The following PYY variants were observed in gnomAD, a reference collection of about 807,000 sequenced individuals.
PYY encodes peptide tyrosine tyrosine.
Under a neutral mutation model 10.3 loss-of-function variants are expected in PYY, and 12 were observed. The ratio of observed to expected loss-of-function variants is 1.17; its 90% CI spans 0.75 to 1.89. PYY has a LOEUF of 1.89. Among genes scored for constraint, PYY ranks in the 40% most tolerant of loss-of-function variants. The pLI is 0.00. For synonymous variants in PYY, 66 were observed against 62.0 expected (o/e 1.06, Z -0.30); for missense variants, 141 against 134.0 (o/e 1.05, Z -0.26).
At chr17:43,976,278 T>C (rs1482984219) in intron 1 of PYY, among the ~76,000 whole-genome samples, 12 of 120,394 alleles carry the variant, frequency 1.0e-4, no homozygotes, top group African/African-American at 3.7e-4. Context: ...TGTACGTATA[T>C]ATACGCATAT....
chr17:43,953,760 T>G, intron 1 of PYY, 90 bp downstream of exon 1: 2 of 300,664 alleles, frequency 6.7e-6, no homozygotes, highest in African/African-American at 2.2e-5. Context: ...TCCAGTTTCC[T>G]ACCACTCACC....
At chr17:43,992,718 A>G (rs987046635) in intron 1 of PYY, among the ~76,000 whole-genome samples, 10 of 151,976 alleles carry the variant, frequency 6.6e-5, no homozygotes, top group Non-Finnish European at 1.3e-4. Flanking sequence ...AAAAAATAAT[A>G]ATAATTAAAA....
At chr17:43,986,057 G>T (rs1048076801) in intron 1 of PYY, among the ~76,000 whole-genome samples, 2 of 152,126 alleles carry the variant, frequency 1.3e-5, no homozygotes, top group African/African-American at 4.8e-5. Flanking sequence ...AGGATTTTAA[G>T]ACTACTAGCC....
intron 1 of PYY, among the ~76,000 whole-genome samples, chr17:43,985,309 C>T (rs778815858): frequency 1.3e-5 from 2 of 152,158 alleles, no homozygotes; most frequent in Admixed American, 6.6e-5. Context: ...TTCCTAGGCT[C>T]AAGCAATCCT....
chr17:44,001,060 T>C (rs1474115920), intron 1 of PYY, among the ~76,000 whole-genome samples: 1 of 152,174 alleles, frequency 6.6e-6, no homozygotes, highest in Non-Finnish European at 1.5e-5. Context: ...CTCAATGCTA[T>C]GGGGCTCTGT....
rs1235838100 is a variant in PYY at position 43,988,754 on chromosome 17, C to A, written c.-463+15637G>T. Among the ~76,000 whole-genome samples the A allele has an allele frequency of 3.1e-5, 4 of 129,104 alleles. No individual in the cohort carries two copies. In the Admixed American group the frequency reaches 3.4e-4, roughly 11 times the overall value. The allele number at this position is 129,104 out of a possible 152,430, so 84.7% of individuals were successfully genotyped here. A position where few individuals can be genotyped will look rare whatever the true frequency, so the allele number is the denominator to read the frequency against. On this transcript the variant is annotated intron_variant, in intron 1 of 6. Coordinates refer to the PYY transcript ENST00000360085. ...TTCTCTAGCTTTTTTTTTTCTTTTT[C>A]TTCTTTCTTTCTGTCTTTTTTTTTT...
At chr17:43,988,573 C>T (rs1456574255) in intron 1 of PYY, among the ~76,000 whole-genome samples, 1 of 152,108 alleles carries the variant, frequency 6.6e-6, no homozygotes, top group Non-Finnish European at 1.5e-5. Context: ...GAGTTGAAAC[C>T]ATGTTGTGAT....
At chr17:43,995,469 C>A (rs2048984946) in intron 1 of PYY, among the ~76,000 whole-genome samples, 3 of 151,646 alleles carry the variant, frequency 2.0e-5, no homozygotes, top group Admixed American at 2.0e-4. Context: ...TAGCTGGGAC[C>A]ACAGATGGTT....
chr17:43,979,496 A>G (rs914725077), intron 1 of PYY, among the ~76,000 whole-genome samples: 1 of 151,942 alleles, frequency 6.6e-6, no homozygotes, highest in South Asian at 2.1e-4. Context: ...TAACAAAAAC[A>G]TGCTTATGGA....
At chr17:43,953,011 T>TGGGGAGGCGAGCC in intron 3 of PYY, 31 bp from the exon 4 acceptor site, 1 of 1,583,168 alleles carries the variant, frequency 6.3e-7, no homozygotes, top group Non-Finnish European at 8.6e-7. Context: ...GAATTGGATC[T>TGGGGAGGCGAGCC]GGGGAGGCGA....
rs545102418 is a variant in PYY at position 43,952,814 on chromosome 17, C to G, written c.*142G>C. 1.0e-4 allele frequency: 92 copies of G among 901,400 alleles called. No individual in the cohort carries two copies. The African/African-American group carries it at 1.4e-3, about 14-fold the overall frequency. 55.8% of individuals were successfully genotyped at this position (901,400 alleles called of 1,614,324 possible). ...CCCTCCAGCCCAGGGGGCGGGGGCACCGAGACGCGGGCGGAGGGCCGCACC... is the reference window on the plus strand; with the variant it reads ...CCCTCCAGCCCAGGGGGCGGGGGCAGCGAGACGCGGGCGGAGGGCCGCACC... On this transcript the variant is annotated 3_prime_UTR_variant, in exon 4 of 4. Coordinates refer to ENST00000692052, the MANE Select transcript of PYY (RefSeq NM_001394028.1).
At position 43,953,318 on chromosome 17, in the gene PYY, G is replaced by T. The variant is rs2048646766; in HGVS notation, c.166C>A (p.Leu56Ile). 6.2e-7 allele frequency: 1 copy of T among 1,612,790 alleles called. No individual in the cohort carries two copies. Among genetic ancestry groups the T allele is most frequent in the Non-Finnish European group, 8.5e-7 (1 of 1,179,564 alleles). The change falls in exon 2 of 4, where the codon CTC becomes ATC. Residue 56 changes from leucine (L) to isoleucine (I), a missense_variant. Leu to Ile is a conservative substitution (Grantham distance 5). Transcript: ENST00000692052. ...CACCGCTGCCGGGTGACCAGGTTGA[G>T]GTAGTGGCGCAGGGAGGCGTAGTAG... ...NRYYASLRHYLNLVTRQRYGK... is the reference protein window; with the variant it reads ...NRYYASLRHYINLVTRQRYGK...
intron 1 of PYY, among the ~76,000 whole-genome samples, chr17:44,002,355 G>A (rs975869636): frequency 1.3e-5 from 2 of 152,182 alleles, no homozygotes; most frequent in African/African-American, 2.4e-5. Flanking sequence ...CTCCAGCATG[G>A]GGAGACAAAA....
intron 1 of PYY, among the ~76,000 whole-genome samples, chr17:43,993,604 C>T (rs1393513282): frequency 6.7e-6 from 1 of 150,302 alleles, no homozygotes; most frequent in Admixed American, 6.6e-5. Flanking sequence ...CCAGCCTGGG[C>T]AACAGAGTGA....
At chr17:44,001,398 A>C (rs1368061993) in intron 1 of PYY, among the ~76,000 whole-genome samples, 1 of 152,112 alleles carries the variant, frequency 6.6e-6, no homozygotes, top group African/African-American at 2.4e-5. Flanking sequence ...ACCCACCTTT[A>C]AAGGAAGAAA....
In PYY at chr17:44,004,010, ACT is replaced by A. The variant is rs112932077; in HGVS notation, c.-463+379_-463+380del. 3.1e-4 allele frequency among the ~76,000 whole-genome samples: 47 copies of A among 151,558 alleles called. No individual in the cohort carries two copies. In the South Asian group the frequency reaches 4.2e-3, roughly 13 times the overall value. ...CCTATCTCAAAAACCAAAATAAAAA[ACT>A]CTATTTTATTTTATTTTTACCAGAT... is the stretch of plus-strand genomic sequence containing the variant. On this transcript the variant is annotated intron_variant, in intron 1 of 6. Coordinates refer to the PYY transcript ENST00000360085.
In PYY at chr17:43,976,210, C is replaced by T. The variant is rs1193292743; in HGVS notation, c.-462-9678G>A. ...GTATATGTATACATATATACATATA[C>T]GTATATGTATACATATATACATATG... is the stretch of plus-strand genomic sequence containing the variant. On this transcript the variant is annotated intron_variant, in intron 1 of 6. Coordinates refer to the PYY transcript ENST00000360085. Among the ~76,000 whole-genome samples the T allele has an allele frequency of 3.6e-5, 5 of 137,764 alleles. 1 individual carries two copies. The highest frequency in any genetic ancestry group is 1.2e-4 in the African/African-American group (4 of 34,700). The allele number at this position is 137,764 out of a possible 152,430, so 90.4% of individuals were successfully genotyped here.
chr17:43,953,384 CG>C lies in PYY; in HGVS notation c.99del (p.Glu34ArgfsTer12), dbSNP rs1432529470. 2.5e-6 allele frequency: 4 copies of C among 1,612,564 alleles called. No homozygotes were observed. The African/African-American group carries it at 5.3e-5, about 22-fold the overall frequency. On this transcript the variant is annotated frameshift_variant, in exon 2 of 4. Coordinates refer to ENST00000692052, the MANE Select transcript of PYY (RefSeq NM_001394028.1). LOFTEE classifies it high-confidence loss of function. ...GGCGAGGCGTCTTCGCGGGGAGCCT[CG>C]GGTTTGATGGGGTAGGCGTCGACCA... ...GALVDAYPIK[P>X]EAPREDASPE... is the part of the protein sequence containing the mutation.
At chr17:43,956,222 G>C (rs1415293489), upstream of PYY, among the ~76,000 whole-genome samples, 1 of 152,048 alleles carries the variant, frequency 6.6e-6, no homozygotes, top group African/African-American at 2.4e-5. Flanking sequence ...GCCCCTAGGT[G>C]GTCTCAGTGT....
Sources: allele counts gnomAD v4.1 joint callset (sites outside exome capture counted in the v4.1 genomes callset), GRCh38; gene constraint gnomAD v4.1.1; transcripts MANE v1.5; gene names NCBI Gene and HGNC (gene_info 2026-07-23, HGNC 2026-07-21).